PPP1R21: variants seen among roughly 807,000 people sequenced by gnomAD.
PPP1R21 encodes the protein protein phosphatase 1 regulatory subunit 21, also known as KLRAQ motif containing 1.
Under a neutral mutation model 112.8 loss-of-function variants are expected in PPP1R21, and 85 were observed. The observed-to-expected ratio is 0.75, with a 90% CI of 0.63 to 0.90. The LOEUF (loss-of-function observed/expected upper bound fraction) is 0.90, where lower values mean the gene tolerates loss of function less well. Among genes scored for constraint, PPP1R21 ranks in the 40% least tolerant of loss-of-function variants. The pLI, the probability that PPP1R21 is intolerant of heterozygous loss-of-function variation, is 0.00. For missense variants in PPP1R21, 1,199 were observed against 901.5 expected, an observed-to-expected ratio of 1.33 and a Z score of -4.23; for synonymous variants, 381 against 322.3, an observed-to-expected ratio of 1.18 and a Z score of -1.95.
intron 12 of PPP1R21, 71 bp downstream of exon 12, chr2:48,474,890 G>A: frequency 3.0e-6 from 4 of 1,339,464 alleles, no homozygotes; most frequent in East Asian, 2.3e-5. Context: ...AAGGGAGATG[G>A]TTTAGCTAAG....
chr2:48,471,394 T>C, intron 11 of PPP1R21, 27 bp downstream of exon 11: 1 of 1,582,094 alleles, frequency 6.3e-7, no homozygotes, highest in Non-Finnish European at 8.6e-7. Context: ...GCCAGGGAAC[T>C]TGGGGAATTG....
intron 1 of PPP1R21, among the ~76,000 whole-genome samples, chr2:48,444,057 A>C (rs1018637678): frequency 2.6e-5 from 4 of 152,150 alleles, no homozygotes; most frequent in African/African-American, 7.2e-5. Flanking sequence ...AAAACCAAAC[A>C]AACAGTGGTC....
chr2:48,471,499 C>T (rs1300491462), intron 11 of PPP1R21, 132 bp downstream of exon 11: 24 of 888,364 alleles, frequency 2.7e-5, no homozygotes, highest in Non-Finnish European at 3.5e-5. Flanking sequence ...ATTTGGACTT[C>T]CGTGAAAAAG....
At chr2:48,492,980 A>G (rs1021737180) in intron 15 of PPP1R21, among the ~76,000 whole-genome samples, 4 of 101,574 alleles carry the variant, frequency 3.9e-5, no homozygotes, top group African/African-American at 1.1e-4. Context: ...ACTTGTGTTT[A>G]TTGTATAAAT....
rs1300003926 is a variant in PPP1R21, at chr2:48,510,031, A to G, written c.2102A>G (p.Lys701Arg). The G allele has an allele frequency of 3.7e-6, 6 of 1,613,728 alleles. No individual in the cohort carries two copies. Among genetic ancestry groups the G allele is most frequent in the Middle Eastern group, 1.6e-4 (1 of 6,078 alleles). The change falls in exon 20 of 22, where the codon AAA (lysine) becomes AGA (arginine). Residue 701 changes from lysine (K) to arginine (R), a missense_variant. By Grantham distance (26) the Lys-to-Arg change is conservative. Transcript: ENST00000294952. ...ATTTTACAGTGCCGAGCACTGTCTA[A>G]AAGACTGGCCTTGGCTGAAAAGTCT... is the stretch of plus-strand genomic sequence containing the variant. The part of the protein sequence containing the change: ...HFYAECRALS[K>R]RLALAEKSKE...
rs1412702915 is a variant in PPP1R21 at position 48,440,778 on chromosome 2, T to C, written c.-176T>C. 4.9e-6 allele frequency: 3 copies of C among 613,728 alleles called. No individual in the cohort carries two copies. The African/African-American group carries it at 5.9e-5, about 12-fold the overall frequency. 38.0% of individuals were successfully genotyped at this position (613,728 alleles called of 1,614,324 possible). The stretch of plus-strand genomic sequence containing the variant: ...CGCCCCCGGCCCCACTCCACCTTCC[T>C]CCCACCCCGGGAACCCGGAAGTGGA... On this transcript the variant is annotated 5_prime_UTR_variant, in exon 1 of 22. Coordinates refer to ENST00000294952, the MANE Select transcript of PPP1R21 (RefSeq NM_001135629.3).
chr2:48,471,343 A>G lies in PPP1R21; in HGVS notation c.1064A>G (p.Lys355Arg), dbSNP rs1386667078. Residue 355 changes from lysine to arginine, a missense_variant, in exon 11 of 22, where the codon AAG becomes AGG. Coordinates refer to ENST00000294952, the MANE Select transcript of PPP1R21 (RefSeq NM_001135629.3). ...ACCTCCTACATATGTTTTCTTAGGAAGATTCTTCCCTATCAGTTAAAAAGG... is the reference window on the plus strand; with the variant it reads ...ACCTCCTACATATGTTTTCTTAGGAGGATTCTTCCCTATCAGTTAAAAAGG... ...HLTSYICFLR[K>R]ILPYQLKSLE... 1.2e-6 allele frequency: 2 copies of G among 1,610,400 alleles called. No homozygotes were observed. The highest frequency in any genetic ancestry group is 8.5e-7 in the Non-Finnish European group (1 of 1,178,870).
intron 13 of PPP1R21, among the ~76,000 whole-genome samples, chr2:48,480,226 T>G (rs1668950847): frequency 1.3e-5 from 2 of 152,232 alleles, no homozygotes; most frequent in African/African-American, 4.8e-5. Flanking sequence ...AGAGAAATCC[T>G]TGTGTACAGT....
chr2:48,481,619 T>C (rs1246431402), intron 13 of PPP1R21, among the ~76,000 whole-genome samples: 1 of 152,204 alleles, frequency 6.6e-6, no homozygotes, highest in African/African-American at 2.4e-5. Context: ...AGCTGACGCT[T>C]ATAATCCCAG....
intron 14 of PPP1R21, among the ~76,000 whole-genome samples, chr2:48,489,318 C>T (rs1287423146): frequency 2.0e-5 from 3 of 150,678 alleles, no homozygotes; most frequent in African/African-American, 7.3e-5. Flanking sequence ...GCCTGGGCAA[C>T]ATGGCAAGAC....
intron 12 of PPP1R21, chr2:48,479,681 C>T (rs1432910031): frequency 1.6e-6 from 1 of 609,230 alleles, no homozygotes; most frequent in African/African-American, 1.8e-5. Flanking sequence ...CTTAATCCTG[C>T]TTAACAACTG....
At chr2:48,451,134 G>A (rs1433508784) in intron 2 of PPP1R21, 58 bp downstream of exon 2, 2 of 1,423,486 alleles carry the variant, frequency 1.4e-6, no homozygotes, top group East Asian at 4.6e-5. Flanking sequence ...GTTGCTCAAA[G>A]CAGGTTCATT....
At chr2:48,507,574 A>G (rs2103666852) in intron 19 of PPP1R21, among the ~76,000 whole-genome samples, 189 bp downstream of exon 19, 1 of 152,064 alleles carries the variant, frequency 6.6e-6, no homozygotes, top group African/African-American at 2.4e-5. Context: ...TCACCGTGTT[A>G]GCCAGAATGG....
At chr2:48,502,814 G>T (rs914321555) in intron 17 of PPP1R21, among the ~76,000 whole-genome samples, 4 of 150,996 alleles carry the variant, frequency 2.6e-5, no homozygotes, top group African/African-American at 9.7e-5. Flanking sequence ...CCAAGTAGCT[G>T]GGACTACAGG....
At chr2:48,485,156 G>A (rs1669226209) in intron 13 of PPP1R21, among the ~76,000 whole-genome samples, 1 of 151,858 alleles carries the variant, frequency 6.6e-6, no homozygotes. Flanking sequence ...ATTACCATTC[G>A]ACCCAGCAAT....
At chr2:48,454,843 T>C (rs1667649796) in intron 3 of PPP1R21, 102 bp downstream of exon 3, 1 of 923,412 alleles carries the variant, frequency 1.1e-6, no homozygotes, top group Non-Finnish European at 1.7e-6. Context: ...GAATTATTTT[T>C]TTCTTTGTTT....
chr2:48,489,913 T>G (rs1669482192), intron 14 of PPP1R21, among the ~76,000 whole-genome samples: 1 of 152,040 alleles, frequency 6.6e-6, no homozygotes, highest in Admixed American at 6.5e-5. Flanking sequence ...GACGTGGTGG[T>G]GCACAACTGT....
At chr2:48,461,794 G>A (rs531629537) in intron 7 of PPP1R21, among the ~76,000 whole-genome samples, 30 of 151,830 alleles carry the variant, frequency 2.0e-4, no homozygotes, top group Admixed American at 1.2e-3. Context: ...AACCTCAAAA[G>A]CAAAGAAAAT....
chr2:48,512,462 C>T (rs1025048038), intron 21 of PPP1R21, among the ~76,000 whole-genome samples: 1 of 147,482 alleles, frequency 6.8e-6, no homozygotes, highest in Non-Finnish European at 1.5e-5. Flanking sequence ...AGATCTGCTG[C>T]TGCCCCTTTG....
Sources: allele counts gnomAD v4.1 joint callset (sites outside exome capture counted in the v4.1 genomes callset), GRCh38; gene constraint gnomAD v4.1.1; transcripts MANE v1.5; gene names NCBI Gene and HGNC (gene_info 2026-07-23, HGNC 2026-07-21).